ZNF431: variants seen among roughly 807,000 people sequenced by gnomAD.
ZNF431 encodes zinc finger protein 431.
A neutral mutation model predicts 57.0 loss-of-function variants in ZNF431; 34 were observed. The ratio of observed to expected loss-of-function variants is 0.60; its 90% CI spans 0.45 to 0.79. ZNF431 has a LOEUF of 0.79. Ranked by LOEUF, ZNF431 falls within the 30% of genes least tolerant of loss-of-function variation. The probability of loss-of-function intolerance (pLI) is 0.00; values close to 1 mark genes in which losing one functional copy is unlikely to be tolerated. For synonymous variants in ZNF431, 207 were observed against 220.3 expected (o/e 0.94, Z 0.54); for missense variants, 607 against 667.1 (o/e 0.91, Z 0.99).
intron 2 of ZNF431, among the ~76,000 whole-genome samples, chr19:21,155,974 G>A (rs181582846): frequency 1.2e-4 from 19 of 152,240 alleles, no homozygotes; most frequent in African/African-American, 4.6e-4. Context: ...AAGGAAAGGA[G>A]CTCTGATGAC....
chr19:21,154,594 C>G (rs1283922089), intron 2 of ZNF431, among the ~76,000 whole-genome samples: 1 of 152,142 alleles, frequency 6.6e-6, no homozygotes, highest in Non-Finnish European at 1.5e-5. Context: ...GGAATCGCCA[C>G]ACTGACTTCC....
At chr19:21,145,302 C>T (rs1015358668) in intron 2 of ZNF431, among the ~76,000 whole-genome samples, 2 of 152,030 alleles carry the variant, frequency 1.3e-5, no homozygotes, top group Admixed American at 1.3e-4. Context: ...GGTGAAAGCC[C>T]GTCTCTACTA....
At chr19:21,143,870 G>A (rs1970009069) in intron 2 of ZNF431, among the ~76,000 whole-genome samples, 2 of 151,912 alleles carry the variant, frequency 1.3e-5, no homozygotes, top group African/African-American at 4.8e-5. Flanking sequence ...TATCCCAAAA[G>A]ACCAGAAAAA....
intron 2 of ZNF431, among the ~76,000 whole-genome samples, chr19:21,154,727 T>C (rs62124922): frequency 0.15 from 22,226 of 152,128 alleles, 1,915 homozygotes; most frequent in Non-Finnish European, 0.2. Context: ...TGGTGTGAGA[T>C]GGTATCTCAT....
chr19:21,179,801 C>A (rs1971163540), intron 4 of ZNF431, among the ~76,000 whole-genome samples: 2 of 151,800 alleles, frequency 1.3e-5, no homozygotes, highest in South Asian at 4.2e-4. Context: ...CTCAGGTGAT[C>A]TGTCCGCCTC....
In ZNF431 at chr19:21,191,666, G is replaced by A. The variant is rs1052087187; in HGVS notation, c.*7632G>A. 2.0e-5 allele frequency: 3 copies of A among 152,120 alleles called. No individual in the cohort carries two copies. The highest frequency in any genetic ancestry group is 4.4e-5 in the Non-Finnish European group (3 of 68,022). The allele number at this position is 152,120 out of a possible 1,614,324, so 9.4% of individuals were successfully genotyped here. A position where few individuals can be genotyped will look rare whatever the true frequency, so the allele number is the denominator to read the frequency against. On this transcript the variant is annotated 3_prime_UTR_variant, in exon 5 of 5. Transcript: ENST00000311048. ...GAAGATTCTGTTCTTTCCCTTTAAAGTCACCTGTATTTAAAATCAACTGTA... is the reference window on the plus strand; with the variant it reads ...GAAGATTCTGTTCTTTCCCTTTAAAATCACCTGTATTTAAAATCAACTGTA...
rs533839762 is a variant in ZNF431, at chr19:21,170,078, C to T, written c.319+2412C>T. On this transcript the variant is annotated intron_variant, in intron 4 of 4. Coordinates refer to ENST00000311048, the MANE Select transcript of ZNF431 (RefSeq NM_133473.4). ...ACCAAGGGTCCTGTAATTTCCCACA[C>T]GAATAAGTGCCTGTCCTCTGAAAAA... Among the ~76,000 whole-genome samples the T allele has an allele frequency of 5.3e-5, 8 of 152,042 alleles. No homozygotes were observed. In the South Asian group the frequency reaches 1.0e-3, roughly 20 times the overall value.
In ZNF431 at chr19:21,194,064, A is replaced by G. The variant is rs1238435812; in HGVS notation, c.*10030A>G. On this transcript the variant is annotated 3_prime_UTR_variant, in exon 5 of 5. Transcript: ENST00000311048. ...ATGGCATCCAAATAGGAAAAGAAGA[A>G]GTGAAATTACCTTCACTCATGATAT... 1 of 152,224 alleles carries G rather than the reference A, an allele frequency of 6.6e-6. No individual in the cohort carries two copies. The highest frequency in any genetic ancestry group is 2.4e-5 in the African/African-American group (1 of 41,476). The allele number at this position is 152,224 out of a possible 1,614,324, so 9.4% of individuals were successfully genotyped here.
chr19:21,178,230 G>A (rs1971113635), intron 4 of ZNF431, among the ~76,000 whole-genome samples: 1 of 152,128 alleles, frequency 6.6e-6, no homozygotes. Context: ...CTGAGACAAT[G>A]GGGCTTTCTA....
intron 2 of ZNF431, among the ~76,000 whole-genome samples, chr19:21,161,111 T>A (rs1254428775): frequency 1.3e-5 from 2 of 152,120 alleles, no homozygotes; most frequent in Non-Finnish European, 2.9e-5. Context: ...GAGGTTGCAG[T>A]GAGCTGAGAT....
chr19:21,142,080 G>C lies in ZNF431; in HGVS notation c.-104G>C. On this transcript the variant is annotated 5_prime_UTR_variant, in exon 1 of 5. Transcript: ENST00000311048. ...CTGAGCTCCAGGTCTCCCCTTCGCT[G>C]CTCTGTGTCCTCTGCTCCTAGAGGC... The C allele has an allele frequency of 6.7e-7, 1 of 1,497,702 alleles. No individual in the cohort carries two copies. Among genetic ancestry groups the C allele is most frequent in the Non-Finnish European group, 9.3e-7 (1 of 1,080,446 alleles). The allele number at this position is 1,497,702 out of a possible 1,614,324, so 92.8% of individuals were successfully genotyped here. A position where few individuals can be genotyped will look rare whatever the true frequency, so the allele number is the denominator to read the frequency against.
At chr19:21,162,143 A>AT (rs757861386) in intron 2 of ZNF431, among the ~76,000 whole-genome samples, 16,743 of 49,890 alleles carry the variant, frequency 0.34, 1,174 homozygotes, top group Non-Finnish European at 0.42. Context: ...CATCCAGCTA[A>AT]TTGTGTGTGT....
intron 4 of ZNF431, among the ~76,000 whole-genome samples, chr19:21,170,348 C>T (rs998702497): frequency 3.3e-5 from 5 of 151,896 alleles, no homozygotes; most frequent in African/African-American, 9.7e-5. Flanking sequence ...TTTTTTGTGG[C>T]GAGGATAATC....
At chr19:21,170,863 C>T (rs958995888) in intron 4 of ZNF431, among the ~76,000 whole-genome samples, 1 of 151,932 alleles carries the variant, frequency 6.6e-6, no homozygotes, top group Non-Finnish European at 1.5e-5. Context: ...TTAGTAGAGT[C>T]GGGGTTTCAC....
At chr19:21,146,226 A>G (rs2144921508) in intron 2 of ZNF431, among the ~76,000 whole-genome samples, 1 of 152,222 alleles carries the variant, frequency 6.6e-6, no homozygotes, top group East Asian at 1.9e-4. Flanking sequence ...CCTGATCAAC[A>G]TGGTGAAACC....
rs1971349753 is a variant in ZNF431 at position 21,185,553 on chromosome 19, T to C, written c.*1519T>C. 6.6e-6 allele frequency: 1 copy of C among 152,218 alleles called. No individual in the cohort carries two copies. The highest frequency in any genetic ancestry group is 1.5e-5 in the Non-Finnish European group (1 of 68,066). 9.4% of individuals were successfully genotyped at this position (152,218 alleles called of 1,614,324 possible). On this transcript the variant is annotated 3_prime_UTR_variant, in exon 5 of 5. Coordinates refer to ENST00000311048, the MANE Select transcript of ZNF431 (RefSeq NM_133473.4). ...TCAGCTCACTACAACCTCTGCCTTC[T>C]GGTTTCAAGCAACTCTTCTGCCTCA...
At chr19:21,150,210 C>T (rs549295560) in intron 2 of ZNF431, 1 of 547,112 alleles carries the variant, frequency 1.8e-6, no homozygotes, top group South Asian at 1.7e-5. Context: ...TGGTTAATCA[C>T]AGAAAAACAC....
At position 21,177,234 on chromosome 19, in the gene ZNF431, A is replaced by G. The variant is rs750749931; in HGVS notation, c.320-5389A>G. The stretch of plus-strand genomic sequence containing the variant: ...GGCATAAGAAAGAGGTCCAATTTCA[A>G]TTTTCTGCATATGGCTAGCCAGTTC... On this transcript the variant is annotated intron_variant, in intron 4 of 4. Transcript: ENST00000311048. 6.6e-5 allele frequency among the ~76,000 whole-genome samples: 10 copies of G among 151,984 alleles called. 1 individual carries two copies. The highest frequency in any genetic ancestry group is 7.4e-5 in the Non-Finnish European group (5 of 67,968).
Position 21,166,458 on chromosome 19 carries a change from T to C in ZNF431, c.220T>C (p.Leu74=), listed in dbSNP as rs745623569. 1 of 1,604,548 alleles carries C rather than the reference T, an allele frequency of 6.2e-7. No individual in the cohort carries two copies. The highest frequency in any genetic ancestry group is 8.5e-7 in the Non-Finnish European group (1 of 1,177,624). Residue 74 remains leucine (L), a synonymous_variant, in exon 3 of 5, where the codon TTG becomes CTG. Transcript: ENST00000311048. ...AGAAAACTACAAAAACCTGGTCTTC[T>C]TGGGTGAGAATAACTTTCATACACA... ...MLENYKNLVF[L]GVAVSKQDPV... is the part of the protein sequence containing the mutation.
Sources: allele counts gnomAD v4.1 joint callset (sites outside exome capture counted in the v4.1 genomes callset), GRCh38; gene constraint gnomAD v4.1.1; transcripts MANE v1.5; gene names NCBI Gene and HGNC (gene_info 2026-07-23, HGNC 2026-07-21).